Variants in CLEC4D observed in about 807,000 individuals in gnomAD.
CLEC4D encodes C-type (calcium dependent, carbohydrate-recognition domain) lectin, superfamily member 8.
In CLEC4D, 21 loss-of-function variants were observed where a neutral mutation model predicts 21.1. That is an observed-to-expected ratio of 1.00 (90% confidence interval 0.71 to 1.43). The LOEUF (loss-of-function observed/expected upper bound fraction) is 1.43. Among genes scored for constraint, CLEC4D ranks in the 40% most tolerant of loss-of-function variants. The pLI is 0.00. For synonymous variants in CLEC4D, 85 were observed against 83.1 expected (o/e 1.02, Z -0.12); for missense variants, 289 against 260.7 (o/e 1.11, Z -0.75).
At position 8,520,305 on chromosome 12, in the gene CLEC4D, G is replaced by A. The variant is rs139845503; in HGVS notation, c.464G>A (p.Arg155His). 5.8e-5 allele frequency: 94 copies of A among 1,613,864 alleles called. 1 individual carries two copies. The highest frequency in any genetic ancestry group is 1.0e-4 in the Admixed American group (6 of 59,998). The change falls in exon 5 of 6, where the codon CGT becomes CAT. Residue 155 changes from arginine to histidine, a missense_variant. Arg to His is a conservative substitution (Grantham distance 29). Transcript: ENST00000299665. ...LRDENAKGQW[R>H]WVDQTPFNPR... is the part of the protein sequence containing the mutation. Reference sequence around the variant, plus strand: ...GATGAGAATGCCAAAGGTCAGTGGCGTTGGGTGGACCAGACGCCATTTAAC... The same window carrying A: ...GATGAGAATGCCAAAGGTCAGTGGCATTGGGTGGACCAGACGCCATTTAAC...
At position 8,519,165 on chromosome 12, in the gene CLEC4D, G is replaced by T. The variant is rs1484023692; in HGVS notation, c.384+5G>T. ...ATCAGCACGGAAGCTGAGCAGGTGT[G>T]TTGGGAGGATCACATCAGTTTCTCT... On this transcript the variant is annotated splice_donor_5th_base_variant and intron_variant, in intron 4 of 5. Coordinates refer to ENST00000299665, the MANE Select transcript of CLEC4D (RefSeq NM_080387.5). 1.2e-6 allele frequency: 2 copies of T among 1,611,306 alleles called. No homozygotes were observed. The highest frequency in any genetic ancestry group is 1.7e-6 in the Non-Finnish European group (2 of 1,179,000).
chr12:8,515,923 T>C (rs1352272974), intron 2 of CLEC4D, among the ~76,000 whole-genome samples: 1 of 151,960 alleles, frequency 6.6e-6, no homozygotes, highest in African/African-American at 2.4e-5. Flanking sequence ...GCAAGACAAA[T>C]AGACTAGAGG....
At chr12:8,517,927 CAG>C (rs1232471801) in intron 2 of CLEC4D, among the ~76,000 whole-genome samples, 3 of 151,932 alleles carry the variant, frequency 2.0e-5, no homozygotes, top group Non-Finnish European at 1.5e-5. Flanking sequence ...GCCTGGGTGA[CAG>C]AGCGAGACTC....
intron 3 of CLEC4D, 67 bp from the exon 4 acceptor site, chr12:8,518,942 A>T (rs966404924): frequency 3.2e-6 from 5 of 1,551,544 alleles, no homozygotes; most frequent in Non-Finnish European, 4.4e-6. Context: ...GTAGTAGAAT[A>T]GTTATGCAAT....
At chr12:8,519,778 C>T (rs1195820272) in intron 4 of CLEC4D, among the ~76,000 whole-genome samples, 1 of 152,182 alleles carries the variant, frequency 6.6e-6, no homozygotes, top group Non-Finnish European at 1.5e-5. Context: ...CATTTATGTA[C>T]CATGACTCAG....
Position 8,521,139 on chromosome 12 carries a change from T to C in CLEC4D, c.516T>C (p.Asn172=), listed in dbSNP as rs747200712. The C allele has an allele frequency of 2.5e-5, 41 of 1,613,024 alleles. No individual in the cohort carries two copies. The highest frequency in any genetic ancestry group is 3.1e-5 in the Non-Finnish European group (37 of 1,179,444). ...FNPRRVFWHK[N]EPDNSQGENC... ...GTTCTTTCAGATTCTGGCATAAGAA[T>C]GAACCCGACAACTCTCAGGGAGAAA... is the stretch of plus-strand genomic sequence containing the variant. The change falls in exon 6 of 6, where the codon AAT becomes AAC. Residue 172 remains asparagine, a synonymous_variant. Transcript: ENST00000299665.
At chr12:8,526,630 AT>A (rs1423431414), downstream of CLEC4D, among the ~76,000 whole-genome samples, 1 of 152,192 alleles carries the variant, frequency 6.6e-6, no homozygotes, top group Non-Finnish European at 1.5e-5. Context: ...GGGTTAGAAC[AT>A]GCTCCTTTAG....
At chr12:8,529,137 C>A in the CLEC4D span, among the ~76,000 whole-genome samples, 1 of 152,026 alleles carries the variant, frequency 6.6e-6, no homozygotes, top group Non-Finnish European at 1.5e-5. Context: ...AAAGTAATGG[C>A]TGTGAAGCAA....
In CLEC4D at chr12:8,521,264, T is replaced by A; in HGVS notation, c.641T>A (p.Leu214Ter). 1 of 1,607,574 alleles carries A rather than the reference T, an allele frequency of 6.2e-7. No individual in the cohort carries two copies. Among genetic ancestry groups the A allele is most frequent in the East Asian group, 2.2e-5 (1 of 44,782 alleles). The change falls in exon 6 of 6, where the codon TTG (leucine) becomes TAG (stop). Residue 214 changes from leucine to a stop codon, truncating the protein, a stop_gained. Transcript: ENST00000299665. LOFTEE classifies it high-confidence loss of function. ...ATTTGTAAAATACCTGGAACAACAT[T>A]GAACTAGAAACTCAGAAAGTGGTCC... ...SRICKIPGTT[L>*]N
chr12:8,527,769 T>A, the CLEC4D span, among the ~76,000 whole-genome samples: 1 of 152,184 alleles, frequency 6.6e-6, no homozygotes, highest in South Asian at 2.1e-4. Flanking sequence ...ACATTCCAGC[T>A]GAGAGCCGGT....
At chr12:8,522,642 A>G (rs1940473616), downstream of CLEC4D, among the ~76,000 whole-genome samples, 1 of 152,106 alleles carries the variant, frequency 6.6e-6, no homozygotes, top group Non-Finnish European at 1.5e-5. Flanking sequence ...CATGAAACCT[A>G]TGAAACTTGT....
At chr12:8,515,197 C>G (rs1232668821) in intron 1 of CLEC4D, 39 bp from the exon 2 acceptor site, 2 of 936,622 alleles carry the variant, frequency 2.1e-6, no homozygotes, top group East Asian at 2.4e-5. Flanking sequence ...TAGCTTGTAG[C>G]TGAGAGGAGG....
Position 8,515,263 on chromosome 12 carries a change from T to C in CLEC4D, c.56T>C (p.Ile19Thr), listed in dbSNP as rs752396322. The C allele has an allele frequency of 6.6e-7, 1 of 1,516,998 alleles. No homozygotes were observed. The highest frequency in any genetic ancestry group is 9.2e-7 in the Non-Finnish European group (1 of 1,091,954). 94.0% of individuals were successfully genotyped at this position (1,516,998 alleles called of 1,614,324 possible). A position where few individuals can be genotyped will look rare whatever the true frequency, so the allele number is the denominator to read the frequency against. ...KLEGGMHPQLIPSVIAVVFIL... is the reference protein window; with the variant it reads ...KLEGGMHPQLTPSVIAVVFIL... Reference sequence around the variant, plus strand: ...GAAGGAGGCATGCATCCCCAGCTGATACCTTCGGTTATTGCTGTAGTTTTC... The same window carrying C: ...GAAGGAGGCATGCATCCCCAGCTGACACCTTCGGTTATTGCTGTAGTTTTC... Residue 19 changes from isoleucine to threonine, a missense_variant, in exon 2 of 6, where the codon ATA becomes ACA. Physicochemically the swap from Ile to Thr is moderately conservative, Grantham distance 89 (BLOSUM62 -1). Coordinates refer to ENST00000299665, the MANE Select transcript of CLEC4D (RefSeq NM_080387.5).
Position 8,518,271 on chromosome 12 carries a change from G to T in CLEC4D, c.229G>T (p.Glu77Ter). The T allele has an allele frequency of 9.1e-7, 1 of 1,101,000 alleles. No individual in the cohort carries two copies. The highest frequency in any genetic ancestry group is 1.7e-5 in the Admixed American group (1 of 58,306). The allele number at this position is 1,101,000 out of a possible 1,614,324, so 68.2% of individuals were successfully genotyped here. ...IKEKSELKSA[E>*]GSTWNCCPID... is the part of the protein sequence containing the mutation. Reference sequence around the variant, plus strand: ...AGAGAAATCAGAACTGAAAAGTGCTGAAGGTACAGAGTGTAAGATAATTTC... The same window carrying T: ...AGAGAAATCAGAACTGAAAAGTGCTTAAGGTACAGAGTGTAAGATAATTTC... Residue 77 changes from glutamate to a stop codon, truncating the protein, a stop_gained, in exon 3 of 6, where the codon GAA (glutamate) becomes TAA (stop). Transcript: ENST00000299665. LOFTEE classifies it high-confidence loss of function.
chr12:8,521,481 G>A lies in CLEC4D; in HGVS notation c.*210G>A, dbSNP rs370198198. 2.0e-6 allele frequency: 2 copies of A among 1,020,710 alleles called. No homozygotes were observed. The highest frequency in any genetic ancestry group is 3.2e-5 in the African/African-American group (2 of 61,708). The allele number at this position is 1,020,710 out of a possible 1,614,324, so 63.2% of individuals were successfully genotyped here. On this transcript the variant is annotated 3_prime_UTR_variant, in exon 6 of 6. Transcript: ENST00000299665. Reference sequence around the variant, plus strand: ...GTGTAGATAATGTGGTTTTTGTATGGTGTTTGATGGAAGGAATAATCTTTC... The same window carrying A: ...GTGTAGATAATGTGGTTTTTGTATGATGTTTGATGGAAGGAATAATCTTTC...
Position 8,521,915 on chromosome 12 carries a change from G to C in CLEC4D, c.*644G>C, listed in dbSNP as rs1269119644. 6.6e-6 allele frequency: 1 copy of C among 152,102 alleles called. No homozygotes were observed. The highest frequency in any genetic ancestry group is 1.5e-5 in the Non-Finnish European group (1 of 67,998). 9.4% of individuals were successfully genotyped at this position (152,102 alleles called of 1,614,324 possible). A position where few individuals can be genotyped will look rare whatever the true frequency, so the allele number is the denominator to read the frequency against. ...CCAACACGTTTTTGCAAAGCAAGAA[G>C]TCTTTGTAAGACACCTTAAACAAAG... On this transcript the variant is annotated 3_prime_UTR_variant, in exon 6 of 6. Coordinates refer to ENST00000299665, the MANE Select transcript of CLEC4D (RefSeq NM_080387.5).
At chr12:8,527,228 G>A (rs1940513799), downstream of CLEC4D, among the ~76,000 whole-genome samples, 1 of 152,168 alleles carries the variant, frequency 6.6e-6, no homozygotes, top group East Asian at 1.9e-4. Flanking sequence ...TTGGTGGAGA[G>A]GGTGTGTTTT....
chr12:8,525,728 C>G (rs1435758716), downstream of CLEC4D, among the ~76,000 whole-genome samples: 1 of 152,122 alleles, frequency 6.6e-6, no homozygotes, highest in Non-Finnish European at 1.5e-5. Flanking sequence ...ATCCCATCAT[C>G]ATGATGCTAT....
downstream of CLEC4D, among the ~76,000 whole-genome samples, chr12:8,524,712 G>A (rs1940494467): frequency 6.6e-6 from 1 of 152,080 alleles, no homozygotes; most frequent in Non-Finnish European, 1.5e-5. Context: ...GCTCTTCTCT[G>A]ATCTTAGTTA....
Sources: gnomAD v4.1 joint callset for allele counts (sites outside exome capture counted in the v4.1 genomes callset) on GRCh38, gnomAD v4.1.1 for gene constraint, MANE v1.5 for transcripts, NCBI Gene and HGNC (gene_info 2026-07-23, HGNC 2026-07-21) for gene names.